PRDM16: variants seen among roughly 807,000 people sequenced by gnomAD.
PRDM16 encodes histone-lysine N-methyltransferase PRDM16.
In PRDM16, 23 loss-of-function variants were observed where a neutral mutation model predicts 110.6. The ratio of observed to expected loss-of-function variants is 0.21; its 90% confidence interval spans 0.15 to 0.29. The LOEUF (loss-of-function observed/expected upper bound fraction) is 0.29, where lower values mean the gene tolerates loss of function less well. Ranked by LOEUF, PRDM16 falls within the 10% of genes least tolerant of loss-of-function variation. The pLI is 1.00. For missense variants in PRDM16, 1,615 were observed against 1,794.3 expected (o/e 0.90, Z 1.81); for synonymous variants, 799 against 781.8 (o/e 1.02, Z -0.37).
chr1:3,180,164 GTTTT>G (rs1380815961), intron 1 of PRDM16, among the ~76,000 whole-genome samples: 2 of 151,548 alleles, frequency 1.3e-5, no homozygotes, highest in African/African-American at 4.9e-5. Context: ...TGTTGTTTCT[GTTTT>G]TTGTTTTTTG....
In PRDM16 at chr1:3,083,792, G is replaced by A. The variant is rs148819126; in HGVS notation, c.37+14496G>A. 2.9e-3 allele frequency among the ~76,000 whole-genome samples: 435 copies of A among 152,310 alleles called. 5 individuals are homozygous for A. The highest frequency in any genetic ancestry group is 2.4e-3 in the Non-Finnish European group (160 of 68,032). On this transcript the variant is annotated intron_variant, in intron 1 of 16. Transcript: ENST00000270722. ...TATCCACCTGACCTTCCGACTGCTGGGATTGTGTCTGTGTTGTCATTGAGG... is the reference window on the plus strand; with the variant it reads ...TATCCACCTGACCTTCCGACTGCTGAGATTGTGTCTGTGTTGTCATTGAGG...
rs1574225 is a variant in PRDM16, at chr1:3,279,489, C to T, written c.438+35352C>T. ...GCGTCAGTCTGGGACGCCCTGCACG[C>T]CTGCCCCTGCCACCAGGCTGGCTTC... is the stretch of plus-strand genomic sequence containing the variant. On this transcript the variant is annotated intron_variant, in intron 3 of 16. Coordinates refer to ENST00000270722, the MANE Select transcript of PRDM16 (RefSeq NM_022114.4). Among the ~76,000 whole-genome samples the T allele has an allele frequency of 0.016, 2,401 of 152,376 alleles. 162 individuals are homozygous for T. The East Asian group carries it at 0.21, about 13-fold the overall frequency.
At chr1:3,181,197 C>T (rs1161399848) in intron 1 of PRDM16, among the ~76,000 whole-genome samples, 2 of 132,628 alleles carry the variant, frequency 1.5e-5, no homozygotes, top group Non-Finnish European at 3.2e-5. Flanking sequence ...GTCTTACGGT[C>T]TTACACACGG....
intron 1 of PRDM16, among the ~76,000 whole-genome samples, chr1:3,147,074 GTGTA>G (rs146044004): frequency 0.058 from 8,238 of 141,924 alleles, 897 homozygotes; most frequent in East Asian, 0.21. Context: ...TGTGGGGTGT[GTGTA>G]TGTGTGCGCT....
At chr1:3,423,406 T>C (rs1638497963) in intron 12 of PRDM16, among the ~76,000 whole-genome samples, 1 of 151,632 alleles carries the variant, frequency 6.6e-6, no homozygotes, top group South Asian at 2.1e-4. Flanking sequence ...CCCCTGCGGG[T>C]GTGTTGATGG....
Position 3,382,032 on chromosome 1 carries a change from A to G in PRDM16, c.439-3120A>G, listed in dbSNP as rs1643111004. On this transcript the variant is annotated intron_variant, in intron 3 of 16. Transcript: ENST00000270722. The surrounding 1 kb of genome is among the most constrained non-coding windows in gnomAD (Gnocchi z 6.6). Reference sequence around the variant, plus strand: ...CTCGCTCCCTTCCTGTGGCAGAGGAAGATGGCAGGGCTGCCGACCACAGCT... The same window carrying G: ...CTCGCTCCCTTCCTGTGGCAGAGGAGGATGGCAGGGCTGCCGACCACAGCT... Among the ~76,000 whole-genome samples the G allele has an allele frequency of 6.6e-6, 1 of 152,214 alleles. No individual in the cohort carries two copies. Among genetic ancestry groups the G allele is most frequent in the Admixed American group, 6.5e-5 (1 of 15,290 alleles).
At chr1:3,347,551 T>G (rs1477682945) in intron 3 of PRDM16, among the ~76,000 whole-genome samples, 3 of 152,058 alleles carry the variant, frequency 2.0e-5, no homozygotes, top group African/African-American at 7.2e-5. Flanking sequence ...CAAGAGGCAG[T>G]CAGGGGGTGG....
At chr1:3,410,148 GGTT>G (rs1643660220) in intron 8 of PRDM16, among the ~76,000 whole-genome samples, 1 of 151,780 alleles carries the variant, frequency 6.6e-6, no homozygotes, top group Non-Finnish European at 1.5e-5. Context: ...TGTGGTGTGT[GGTT>G]GTGTGTGCTG....
chr1:3,334,037 C>T (rs1042771856), intron 3 of PRDM16, among the ~76,000 whole-genome samples: 3 of 152,182 alleles, frequency 2.0e-5, no homozygotes, highest in African/African-American at 4.8e-5. Flanking sequence ...TAATGCAAAA[C>T]GGCATAACAC....
At chr1:3,232,874 G>A (rs1341035187) in intron 2 of PRDM16, among the ~76,000 whole-genome samples, 3 of 152,078 alleles carry the variant, frequency 2.0e-5, no homozygotes, top group Non-Finnish European at 4.4e-5. Flanking sequence ...GCTTTCAAAC[G>A]CACATGTGAC....
rs777457274 is a variant in PRDM16 at position 3,417,864 on chromosome 1, A to G, written c.2728A>G (p.Ser910Gly). ...AGAGACCATGACAGAGAAGCTGGAGAGCTTTGCAGCCATGAAGGCGGACTC... is the reference window on the plus strand; with the variant it reads ...AGAGACCATGACAGAGAAGCTGGAGGGCTTTGCAGCCATGAAGGCGGACTC... ...AIETMTEKLE[S>G]FAAMKADSGS... The change falls in exon 11 of 17, where the codon AGC becomes GGC. Residue 910 changes from serine (S) to glycine (G), a missense_variant. Ser to Gly is a moderately conservative substitution (Grantham distance 56). This residue lies in a region of PRDM16 where 772 missense variants were observed against 748.3 expected (regional missense o/e 1.03). Coordinates refer to ENST00000270722, the MANE Select transcript of PRDM16 (RefSeq NM_022114.4). The G allele has an allele frequency of 6.2e-7, 1 of 1,613,748 alleles. No individual in the cohort carries two copies. Among genetic ancestry groups the G allele is most frequent in the South Asian group, 1.1e-5 (1 of 91,070 alleles).
chr1:3,122,068 G>T (rs188217146), intron 1 of PRDM16, among the ~76,000 whole-genome samples: 2 of 152,212 alleles, frequency 1.3e-5, no homozygotes, highest in East Asian at 1.9e-4. Context: ...CAGCCTCACC[G>T]CGAGCCCCTT....
intron 1 of PRDM16, among the ~76,000 whole-genome samples, chr1:3,084,639 G>C (rs991709268): frequency 6.6e-6 from 1 of 152,226 alleles, no homozygotes; most frequent in Admixed American, 6.5e-5. Context: ...CGTCCATTCT[G>C]CACTTGTCCT....
intron 1 of PRDM16, among the ~76,000 whole-genome samples, chr1:3,173,912 G>T (rs931018818): frequency 1.3e-5 from 2 of 152,240 alleles, no homozygotes; most frequent in South Asian, 4.1e-4. Context: ...CAGCCAGAGG[G>T]GCTGGCAAGG....
intron 2 of PRDM16, among the ~76,000 whole-genome samples, chr1:3,196,988 C>T (rs761221332): frequency 9.9e-5 from 15 of 152,178 alleles, no homozygotes; most frequent in African/African-American, 1.4e-4. Flanking sequence ...TCTGTGCAGC[C>T]GCTGAGGCTG....
rs1335485779 is a variant in PRDM16, at chr1:3,181,525, A to C, written c.38-4600A>C. ...GGTCTTACACACGCAGTCTTACACA[A>C]GCGGTCTTACACACGGTCTTACACA... On this transcript the variant is annotated intron_variant, in intron 1 of 16. Coordinates refer to ENST00000270722, the MANE Select transcript of PRDM16 (RefSeq NM_022114.4). 3.3e-3 allele frequency among the ~76,000 whole-genome samples: 14 copies of C among 4,276 alleles called. 1 individual carries two copies. The highest frequency in any genetic ancestry group is 0.011 in the East Asian group (2 of 184). The allele number at this position is 4,276 out of a possible 152,430, so 2.8% of individuals were successfully genotyped here.
chr1:3,373,235 G>A (rs550653209), intron 3 of PRDM16, among the ~76,000 whole-genome samples: 2 of 152,258 alleles, frequency 1.3e-5, no homozygotes, highest in African/African-American at 2.4e-5. Flanking sequence ...CTGCAGTGCC[G>A]GCGGGAAACG....
In PRDM16 at chr1:3,112,095, C is replaced by T. The variant is rs183794366; in HGVS notation, c.37+42799C>T. On this transcript the variant is annotated intron_variant, in intron 1 of 16. Coordinates refer to ENST00000270722, the MANE Select transcript of PRDM16 (RefSeq NM_022114.4). ...ACTTTAATAAAACTCCTGCCCCATC[C>T]ACGCTCACTAACTTGAGAAGTTCCT... 5.1e-4 allele frequency among the ~76,000 whole-genome samples: 78 copies of T among 152,322 alleles called. 1 individual carries two copies. The Middle Eastern group carries it at 0.017, about 33-fold the overall frequency.
At chr1:3,335,238 G>C (rs2100497292) in intron 3 of PRDM16, among the ~76,000 whole-genome samples, 1 of 152,340 alleles carries the variant, frequency 6.6e-6, no homozygotes, top group South Asian at 2.1e-4. Flanking sequence ...TGGTGTCTGG[G>C]TGCAAAGGGA....
Sources: allele counts gnomAD v4.1 joint callset (sites outside exome capture counted in the v4.1 genomes callset), GRCh38; gene constraint gnomAD v4.1.1; regional missense constraint gnomAD v4.1.1; non-coding constraint Gnocchi (gnomAD v3.1); transcripts MANE v1.5; gene names NCBI Gene and HGNC (gene_info 2026-07-23, HGNC 2026-07-21).